PDS5B: variants seen among roughly 807,000 people sequenced by gnomAD.
The protein encoded by PDS5B is PDS5 cohesin associated factor B.
In PDS5B, 51 loss-of-function variants were observed where a neutral mutation model predicts 184.1. The observed-to-expected ratio is 0.28, with a 90% CI of 0.22 to 0.35. PDS5B has a LOEUF of 0.35. PDS5B is among the 10% of genes least tolerant of loss of function. The pLI, the probability that PDS5B is intolerant of heterozygous loss-of-function variation, is 1.00. For synonymous variants in PDS5B, 566 were observed against 569.2 expected (o/e 0.99, Z 0.08); for missense variants, 1,180 against 1,723.3 (o/e 0.68, Z 5.58).
intron 1 of PDS5B, among the ~76,000 whole-genome samples, chr13:32,604,709 T>C (rs2058032888): frequency 6.6e-6 from 1 of 152,156 alleles, no homozygotes; most frequent in Non-Finnish European, 1.5e-5. Context: ...GTCCTGGACT[T>C]TTTTTGGTTG....
chr13:32,767,439 AAAAG>A (rs1193525081), intron 31 of PDS5B, among the ~76,000 whole-genome samples: 1 of 152,194 alleles, frequency 6.6e-6, no homozygotes, highest in Non-Finnish European at 1.5e-5. Flanking sequence ...TTAGAAAAAT[AAAAG>A]AAGCAATTGA....
intron 1 of PDS5B, among the ~76,000 whole-genome samples, 165 bp downstream of exon 1, chr13:32,586,758 A>C (rs1300190103): frequency 7.1e-6 from 1 of 141,386 alleles, no homozygotes. Context: ...CGGGGGCTGC[A>C]GCGGGTGGCT....
intron 19 of PDS5B, among the ~76,000 whole-genome samples, chr13:32,731,821 G>T (rs937944031): frequency 1.3e-5 from 2 of 152,150 alleles, no homozygotes; most frequent in Non-Finnish European, 2.9e-5. Flanking sequence ...AGAGAGGCCT[G>T]TTGGGAGCGG....
At chr13:32,621,975 C>T (rs953990230) in intron 1 of PDS5B, among the ~76,000 whole-genome samples, 3 of 152,112 alleles carry the variant, frequency 2.0e-5, no homozygotes, top group East Asian at 1.9e-4. Flanking sequence ...TTCTTTTAAT[C>T]TCTGTATTTA....
At chr13:32,608,276 A>G (rs550928597) in intron 1 of PDS5B, among the ~76,000 whole-genome samples, 7 of 152,120 alleles carry the variant, frequency 4.6e-5, no homozygotes, top group Non-Finnish European at 1.0e-4. Flanking sequence ...CCTCTTCTCT[A>G]CCTGATATAA....
intron 26 of PDS5B, 47 bp from the exon 27 acceptor site, chr13:32,758,040 A>AG: frequency 1.2e-6 from 1 of 812,886 alleles, no homozygotes; most frequent in Non-Finnish European, 1.8e-6. Context: ...TATTTAACAA[A>AG]GGATGATTTT....
At chr13:32,742,816 T>A in intron 23 of PDS5B, 89 bp downstream of exon 23, 1 of 1,172,146 alleles carries the variant, frequency 8.5e-7, no homozygotes, top group Admixed American at 2.3e-5. Context: ...CTTTTTCTTT[T>A]TTTTTTAAAT....
intron 7 of PDS5B, among the ~76,000 whole-genome samples, chr13:32,672,506 G>A (rs1457953198): frequency 6.6e-6 from 1 of 152,194 alleles, no homozygotes; most frequent in African/African-American, 2.4e-5. Flanking sequence ...AGATTACAGA[G>A]TCTGAGAAGT....
At chr13:32,712,362 A>G (rs942193057) in intron 19 of PDS5B, among the ~76,000 whole-genome samples, 1 of 152,234 alleles carries the variant, frequency 6.6e-6, no homozygotes, top group Non-Finnish European at 1.5e-5. Flanking sequence ...GAATTCCTGC[A>G]GTGTGCACAC....
chr13:32,733,822 G>A (rs1411218380), intron 20 of PDS5B, among the ~76,000 whole-genome samples: 3 of 152,050 alleles, frequency 2.0e-5, no homozygotes, highest in Non-Finnish European at 4.4e-5. Context: ...ATTGTTAGTA[G>A]TTTCTAAACG....
rs139753085 is a variant in PDS5B, at chr13:32,634,764, G to A, written c.-19-13990G>A. Among the ~76,000 whole-genome samples the A allele has an allele frequency of 8.3e-3, 1,265 of 152,056 alleles. 17 individuals carry two copies. The highest frequency in any genetic ancestry group is 0.029 in the African/African-American group (1,195 of 41,458). On this transcript the variant is annotated intron_variant, in intron 1 of 34. Coordinates refer to ENST00000315596, the MANE Select transcript of PDS5B (RefSeq NM_015032.4). The stretch of plus-strand genomic sequence containing the variant: ...CGCCTGGCTAGTTTTTGTATTTTTA[G>A]TAGAGATGGAGTTTCACTATCTTGG...
At position 32,755,814 on chromosome 13, in the gene PDS5B, TTG is replaced by T. The variant is rs769592740; in HGVS notation, c.2942-26_2942-25del. 1.3e-4 allele frequency: 133 copies of T among 1,023,542 alleles called. 4 individuals are homozygous for T. Among genetic ancestry groups the T allele is most frequent in the South Asian group, 5.9e-4 (35 of 59,282 alleles). 63.4% of individuals were successfully genotyped at this position (1,023,542 alleles called of 1,614,324 possible). A position where few individuals can be genotyped will look rare whatever the true frequency, so the allele number is the denominator to read the frequency against. ...TTTTTGCTTTTTCTTTTGTTTTTTT[TTG>T]TTTGTTTGTTTGTTTTCTTTTTCAG... On this transcript the variant is annotated intron_variant, in intron 25 of 34. Transcript: ENST00000315596.
intron 9 of PDS5B, among the ~76,000 whole-genome samples, chr13:32,676,222 T>C (rs1461120476): frequency 6.6e-6 from 1 of 152,214 alleles, no homozygotes; most frequent in Non-Finnish European, 1.5e-5. Context: ...ATTATTACTT[T>C]AAGGCAGTGA....
Position 32,710,106 on chromosome 13 carries a change from C to T in PDS5B, c.2123C>T (p.Ser708Leu). The change falls in exon 19 of 35, where the codon TCA becomes TTA. Residue 708 changes from serine (S) to leucine (L), a missense_variant and splice_region_variant. Transcript: ENST00000315596. ...GAAGAGGATTTTCCACACATCAGAT[C>T]GTGAGTTGAGTTTATTTTCAAAAAT... is the stretch of plus-strand genomic sequence containing the variant. ...KIEEDFPHIRSALLPVLHHKS... is the reference protein window; with the variant it reads ...KIEEDFPHIRLALLPVLHHKS... 6.9e-7 allele frequency: 1 copy of T among 1,459,680 alleles called. No homozygotes were observed. Among genetic ancestry groups the T allele is most frequent in the Non-Finnish European group, 9.2e-7 (1 of 1,089,672 alleles). The allele number at this position is 1,459,680 out of a possible 1,614,324, so 90.4% of individuals were successfully genotyped here.
intron 1 of PDS5B, among the ~76,000 whole-genome samples, chr13:32,630,217 G>A (rs1314642966): frequency 1.3e-5 from 2 of 152,182 alleles, no homozygotes; most frequent in African/African-American, 4.8e-5. Context: ...TACTCTTTTA[G>A]ATGACTATAG....
At chr13:32,714,102 G>A (rs1952293166) in intron 19 of PDS5B, among the ~76,000 whole-genome samples, 1 of 152,194 alleles carries the variant, frequency 6.6e-6, no homozygotes, top group Non-Finnish European at 1.5e-5. Flanking sequence ...GGGAGGGAGT[G>A]TGTGAATAGG....
In PDS5B at chr13:32,770,695, C is replaced by T; in HGVS notation, c.4106C>T (p.Ser1369Phe). Residue 1369 changes from serine (S) to phenylalanine (F), a missense_variant, in exon 33 of 35, where the codon TCC (serine) becomes TTC (phenylalanine). Ser to Phe is a radical substitution (Grantham distance 155). Coordinates refer to ENST00000315596, the MANE Select transcript of PDS5B (RefSeq NM_015032.4). ...PESSAIESTQ[S>F]TPQKGRGRPS... is the part of the protein sequence containing the mutation. ...TCTAGTGCAATTGAATCCACACAGT[C>T]CACACCACAGAAAGGACGAGGAAGA... The T allele has an allele frequency of 1.2e-6, 2 of 1,611,496 alleles. No individual in the cohort carries two copies. Among genetic ancestry groups the T allele is most frequent in the Non-Finnish European group, 1.7e-6 (2 of 1,178,776 alleles).
At chr13:32,695,748 GCTT>G (rs1951683284) in intron 14 of PDS5B, among the ~76,000 whole-genome samples, 1 of 151,938 alleles carries the variant, frequency 6.6e-6, no homozygotes, top group South Asian at 2.1e-4. Flanking sequence ...TTTAGTTGGA[GCTT>G]CTTCATTTTG....
At chr13:32,687,597 A>C (rs1156233415) in intron 12 of PDS5B, among the ~76,000 whole-genome samples, 3 of 152,198 alleles carry the variant, frequency 2.0e-5, no homozygotes, top group Non-Finnish European at 2.9e-5. Flanking sequence ...AAGGATCTTC[A>C]TTAATTTTTT....
Sources: allele counts gnomAD v4.1 joint callset (sites outside exome capture counted in the v4.1 genomes callset), GRCh38; gene constraint gnomAD v4.1.1; transcripts MANE v1.5; gene names NCBI Gene and HGNC (gene_info 2026-07-23, HGNC 2026-07-21).